The following CA10 variants were observed in gnomAD, a reference collection of about 807,000 sequenced individuals.
CA10 encodes carbonic anhydrase 10 (inactive).
A neutral mutation model predicts 44.2 loss-of-function variants in CA10; 14 were observed. The ratio of observed to expected loss-of-function variants is 0.32; its 90% CI spans 0.21 to 0.50. CA10 has a LOEUF of 0.50. Among genes scored for constraint, CA10 ranks in the 20% least tolerant of loss-of-function variants. The probability of loss-of-function intolerance (pLI) is 0.99; values close to 1 mark genes in which losing one functional copy is unlikely to be tolerated. For missense variants in CA10, 350 were observed against 409.7 expected (o/e 0.85, Z 1.26); for synonymous variants, 159 against 141.6 (o/e 1.12, Z -0.87).
At chr17:51,715,974 G>A (rs8082223) in intron 4 of CA10, among the ~76,000 whole-genome samples, 54,800 of 151,986 alleles carry the variant, frequency 0.36, 10,866 homozygotes, top group Middle Eastern at 0.49. Context: ...ACAGGCATAA[G>A]CCACCGTGCC....
intron 3 of CA10, among the ~76,000 whole-genome samples, chr17:51,752,455 T>C (rs1904922417): frequency 6.6e-6 from 1 of 151,820 alleles, no homozygotes; most frequent in Admixed American, 6.6e-5. Context: ...CAAAATAAGG[T>C]GTGAGATGGG....
At chr17:51,942,331 C>G (rs977285651) in intron 2 of CA10, among the ~76,000 whole-genome samples, 2 of 151,976 alleles carry the variant, frequency 1.3e-5, no homozygotes, top group Non-Finnish European at 2.9e-5. Flanking sequence ...TGGAACGAAA[C>G]CACATATATA....
chr17:51,640,852 A>G (rs979007982), intron 6 of CA10, among the ~76,000 whole-genome samples: 2 of 152,198 alleles, frequency 1.3e-5, no homozygotes. Context: ...TGGGCATTAT[A>G]GACAGAAAGT....
At chr17:52,154,433 A>T (rs1989763209) in intron 1 of CA10, among the ~76,000 whole-genome samples, 1 of 152,244 alleles carries the variant, frequency 6.6e-6, no homozygotes, top group Non-Finnish European at 1.5e-5. Context: ...CTGACAAAGA[A>T]GTAAAGTTAC....
chr17:51,654,555 C>T lies in CA10; in HGVS notation c.466-819G>A, dbSNP rs755033207. ...AGTTTTTTCTTAACAGTATGGAAGC[C>T]TAATTTTTTTTTTTTTTTTAAGTTG... is the stretch of plus-strand genomic sequence containing the variant. On this transcript the variant is annotated intron_variant, in intron 4 of 8. Coordinates refer to ENST00000451037, the MANE Select transcript of CA10 (RefSeq NM_020178.5). 8.9e-4 allele frequency among the ~76,000 whole-genome samples: 116 copies of T among 130,376 alleles called. 1 individual carries two copies. The highest frequency in any genetic ancestry group is 1.5e-3 in the Non-Finnish European group (85 of 58,484). The allele number at this position is 130,376 out of a possible 152,430, so 85.5% of individuals were successfully genotyped here.
intron 5 of CA10, 84 bp downstream of exon 5, chr17:51,653,557 T>C: frequency 1.2e-6 from 1 of 812,454 alleles, no homozygotes; most frequent in Non-Finnish European, 2.2e-6. Context: ...CCTTTTAATA[T>C]TTCTAACTCC....
intron 3 of CA10, among the ~76,000 whole-genome samples, chr17:51,862,848 A>T: frequency 6.6e-6 from 1 of 152,034 alleles, no homozygotes; most frequent in Non-Finnish European, 1.5e-5. Context: ...TCTCTTCTTA[A>T]AAGGGCACTA....
intron 2 of CA10, among the ~76,000 whole-genome samples, chr17:52,042,154 T>G (rs1028708880): frequency 2.6e-5 from 4 of 151,896 alleles, no homozygotes; most frequent in Admixed American, 2.0e-4. Flanking sequence ...ATTTTAAAGT[T>G]TTTTGAGGAA....
At chr17:51,988,174 GTA>G (rs1179424323) in intron 2 of CA10, among the ~76,000 whole-genome samples, 1 of 151,986 alleles carries the variant, frequency 6.6e-6, no homozygotes, top group Non-Finnish European at 1.5e-5. Context: ...AGTTGTAAAT[GTA>G]TTTTGCAAAC....
chr17:51,717,724 TATAC>T (rs368195426), intron 4 of CA10, among the ~76,000 whole-genome samples: 602 of 32,602 alleles, frequency 0.018, 63 homozygotes, highest in African/African-American at 0.027. Context: ...TATACGTATA[TATAC>T]ATATATACGT....
intron 2 of CA10, among the ~76,000 whole-genome samples, chr17:51,973,388 G>A (rs1290020814): frequency 6.6e-6 from 1 of 152,188 alleles, no homozygotes; most frequent in Non-Finnish European, 1.5e-5. Flanking sequence ...AGGACAGGAG[G>A]ACGCTCTGCA....
At chr17:52,146,203 G>T (rs978257145) in intron 1 of CA10, among the ~76,000 whole-genome samples, 1 of 152,106 alleles carries the variant, frequency 6.6e-6, no homozygotes, top group Non-Finnish European at 1.5e-5. Flanking sequence ...GTATACATAT[G>T]TAACAAACCT....
At chr17:52,075,298 G>A (rs1337927756) in intron 1 of CA10, among the ~76,000 whole-genome samples, 1 of 152,146 alleles carries the variant, frequency 6.6e-6, no homozygotes, top group Non-Finnish European at 1.5e-5. Flanking sequence ...AATTAACACA[G>A]ACACAAATAA....
At position 52,019,961 on chromosome 17, in the gene CA10, TA is replaced by T. The variant is rs1273161046; in HGVS notation, c.136+52357del. On this transcript the variant is annotated intron_variant, in intron 2 of 8. Coordinates refer to ENST00000451037, the MANE Select transcript of CA10 (RefSeq NM_020178.5). ...ACAATCTGCTTTGTGTTTTCTGGAT[TA>T]AAAAAAGTTTGTTATATCAGTTGTT... Among the ~76,000 whole-genome samples, 6 of 151,966 alleles carry T rather than the reference TA, an allele frequency of 3.9e-5. No homozygotes were observed. In the South Asian group the frequency reaches 1.0e-3, roughly 26 times the overall value.
At position 51,942,962 on chromosome 17, in the gene CA10, G is replaced by A. The variant is rs372095297; in HGVS notation, c.137-11830C>T. Among the ~76,000 whole-genome samples the A allele has an allele frequency of 3.3e-5, 5 of 152,086 alleles. No homozygotes were observed. In the South Asian group the frequency reaches 6.2e-4, roughly 19 times the overall value. ...GATGCATGGATGGATGCATGAGAGAGGGCAGGACCAAGTGTCTGCTTTGCA... is the reference window on the plus strand; with the variant it reads ...GATGCATGGATGGATGCATGAGAGAAGGCAGGACCAAGTGTCTGCTTTGCA... On this transcript the variant is annotated intron_variant, in intron 2 of 8. Coordinates refer to ENST00000451037, the MANE Select transcript of CA10 (RefSeq NM_020178.5).
chr17:52,045,722 G>T (rs758878020), intron 2 of CA10, among the ~76,000 whole-genome samples: 6 of 151,862 alleles, frequency 4.0e-5, no homozygotes, highest in Non-Finnish European at 7.4e-5. Flanking sequence ...GTTAATGTAC[G>T]GAAGACTTGA....
chr17:52,158,827 G>A (rs1989879009), upstream of CA10: 1 of 152,818 alleles, frequency 6.5e-6, no homozygotes, highest in Non-Finnish European at 1.5e-5. Flanking sequence ...TTGGCCAGGT[G>A]AGCGTCCTCG....
intron 3 of CA10, among the ~76,000 whole-genome samples, chr17:51,749,266 C>T (rs1200794933): frequency 1.3e-5 from 2 of 152,218 alleles, no homozygotes; most frequent in Non-Finnish European, 2.9e-5. Context: ...TTCTCTACGT[C>T]GAGTCTGGGC....
chr17:51,701,668 T>G (rs926906701), intron 4 of CA10, among the ~76,000 whole-genome samples: 5 of 152,122 alleles, frequency 3.3e-5, no homozygotes, highest in Non-Finnish European at 7.3e-5. Flanking sequence ...AATAGTTAAC[T>G]CTCAATTATT....
Sources: allele counts gnomAD v4.1 joint callset (sites outside exome capture counted in the v4.1 genomes callset), GRCh38; gene constraint gnomAD v4.1.1; transcripts MANE v1.5; gene names NCBI Gene and HGNC (gene_info 2026-07-23, HGNC 2026-07-21).